The following CMTR1 variants were observed in gnomAD, a reference collection of about 807,000 sequenced individuals.
CMTR1 encodes cap-specific mRNA (nucleoside-2'-O-)-methyltransferase 1.
In CMTR1, 39 loss-of-function variants were observed where a neutral mutation model predicts 107.0. The ratio of observed to expected loss-of-function variants is 0.36; its 90% confidence interval spans 0.28 to 0.48. The LOEUF (loss-of-function observed/expected upper bound fraction) is 0.48, where lower values mean the gene tolerates loss of function less well. Among genes scored for constraint, CMTR1 ranks in the 20% least tolerant of loss-of-function variants. The pLI, the probability that CMTR1 is intolerant of heterozygous loss-of-function variation, is 0.99. For missense variants in CMTR1, 672 were observed against 1,064.9 expected, an observed-to-expected ratio of 0.63 and a Z score of 5.14; for synonymous variants, 366 against 379.5, an observed-to-expected ratio of 0.96 and a Z score of 0.41.
chr6:37,465,150 C>A (rs1005497749), intron 13 of CMTR1, among the ~76,000 whole-genome samples: 9 of 151,886 alleles, frequency 5.9e-5, no homozygotes, highest in Non-Finnish European at 1.3e-4. Flanking sequence ...TGTCTGTAAT[C>A]CCAGCTACTG....
chr6:37,457,602 A>G (rs1290149473), intron 8 of CMTR1, among the ~76,000 whole-genome samples: 1 of 152,244 alleles, frequency 6.6e-6, no homozygotes, highest in Non-Finnish European at 1.5e-5. Flanking sequence ...AGTTTTGCCA[A>G]ACATACCATG....
At chr6:37,474,385 ATC>A (rs1220041819) in intron 17 of CMTR1, 137 bp from the exon 18 acceptor site, 1 of 962,076 alleles carries the variant, frequency 1.0e-6, no homozygotes, top group African/African-American at 1.6e-5. Flanking sequence ...AATGGATTTA[ATC>A]TCTCATAGAC....
chr6:37,450,105 C>G, intron 4 of CMTR1, 146 bp from the exon 5 acceptor site: 1 of 614,318 alleles, frequency 1.6e-6, no homozygotes, highest in Non-Finnish European at 2.9e-6. Context: ...CGTCTCATGT[C>G]TGACCACTGC....
chr6:37,478,839 C>A (rs1346694038), intron 22 of CMTR1, among the ~76,000 whole-genome samples: 1 of 152,200 alleles, frequency 6.6e-6, no homozygotes, highest in Non-Finnish European at 1.5e-5. Context: ...GGTTTCTGTC[C>A]ATTTGCATCC....
the CMTR1 span, among the ~76,000 whole-genome samples, chr6:37,424,553 C>T: frequency 2.6e-5 from 4 of 151,956 alleles, no homozygotes; most frequent in Non-Finnish European, 5.9e-5. Context: ...GGCCTAGTAC[C>T]TTTGTCTTAA....
chr6:37,443,384 C>T (rs1771714635), intron 2 of CMTR1, among the ~76,000 whole-genome samples: 1 of 149,806 alleles, frequency 6.7e-6, no homozygotes, highest in Non-Finnish European at 1.5e-5. Context: ...GATGGAGTCT[C>T]ACTCTTTTTG....
chr6:37,478,582 T>G, intron 22 of CMTR1, 61 bp downstream of exon 22: 2 of 1,380,106 alleles, frequency 1.4e-6, no homozygotes, highest in Non-Finnish European at 2.1e-6. Flanking sequence ...CGCCAGGTGA[T>G]GGGTCCAGAC....
At chr6:37,450,432 T>C (rs1771925278) in intron 5 of CMTR1, 89 bp downstream of exon 5, 5 of 955,556 alleles carry the variant, frequency 5.2e-6, no homozygotes, top group Non-Finnish European at 8.4e-6. Context: ...CACTTGCAGT[T>C]TAAGAAAAAT....
intron 6 of CMTR1, among the ~76,000 whole-genome samples, 171 bp downstream of exon 6, chr6:37,452,048 G>A (rs1006988708): frequency 1.3e-5 from 2 of 152,178 alleles, no homozygotes. Flanking sequence ...CTGGGTGACT[G>A]TTCTGCCCTG....
At chr6:37,476,539 G>A (rs143744105) in intron 20 of CMTR1, among the ~76,000 whole-genome samples, 1 of 152,296 alleles carries the variant, frequency 6.6e-6, no homozygotes, top group East Asian at 1.9e-4. Flanking sequence ...GGTAAGAAAT[G>A]GGTGCTGAGG....
Position 37,461,625 on chromosome 6 carries a change from C to G in CMTR1, c.1172C>G (p.Ala391Gly). ...CTGCTTCTGTGTCAGTTCCTCATGGCGCTGTCCATTGTCCGGACAGGTGAC... is the reference window on the plus strand; with the variant it reads ...CTGCTTCTGTGTCAGTTCCTCATGGGGCTGTCCATTGTCCGGACAGGTGAC... The part of the protein sequence containing the change: ...KQLLLCQFLM[A>G]LSIVRTGGHF... The change falls in exon 11 of 24, where the codon GCG becomes GGG. Residue 391 changes from alanine to glycine, a missense_variant. By Grantham distance (60) the Ala-to-Gly change is moderately conservative. Around this residue, in one of 2 missense-constraint regions of CMTR1, gnomAD observed 583 missense variants for 968.4 expected, o/e 0.60. Transcript: ENST00000373451. The G allele has an allele frequency of 6.2e-7, 1 of 1,609,658 alleles. No individual in the cohort carries two copies. Among genetic ancestry groups the G allele is most frequent in the Non-Finnish European group, 8.5e-7 (1 of 1,177,200 alleles).
At chr6:37,445,484 CTTTTTTTTTTT>C (rs370310831) in intron 3 of CMTR1, among the ~76,000 whole-genome samples, 2 of 109,194 alleles carry the variant, frequency 1.8e-5, no homozygotes, top group Admixed American at 9.4e-5. Context: ...CATACCTCAC[CTTTTTTTTTTT>C]TTTTTTTTTT....
At chr6:37,473,944 C>G (rs1184435467) in intron 17 of CMTR1, among the ~76,000 whole-genome samples, 1 of 152,222 alleles carries the variant, frequency 6.6e-6, no homozygotes, top group Admixed American at 6.5e-5. Context: ...ACCACCACCC[C>G]ATGCCATCCC....
At chr6:37,439,332 T>G (rs1771614759) in intron 2 of CMTR1, among the ~76,000 whole-genome samples, 1 of 152,398 alleles carries the variant, frequency 6.6e-6, no homozygotes. Context: ...TCTCTTTGGT[T>G]GTTTTTCACG....
intron 23 of CMTR1, among the ~76,000 whole-genome samples, chr6:37,479,724 G>A (rs749498557): frequency 1.3e-5 from 2 of 152,208 alleles, no homozygotes; most frequent in Non-Finnish European, 2.9e-5. Flanking sequence ...GACATTTTCT[G>A]TCACCACACT....
rs181399765 is a variant in CMTR1, at chr6:37,451,088, T to C, written c.538-718T>C. ...TGGAAATGTTATTTTTCTGAAAATA[T>C]ATTTCTGAAAAATATTTATGTTAAC... On this transcript the variant is annotated intron_variant, in intron 5 of 23. Coordinates refer to ENST00000373451, the MANE Select transcript of CMTR1 (RefSeq NM_015050.3). Among the ~76,000 whole-genome samples, 15 of 152,294 alleles carry C rather than the reference T, an allele frequency of 9.8e-5. 1 individual carries two copies. Among genetic ancestry groups the C allele is most frequent in the Admixed American group, 9.8e-4 (15 of 15,302 alleles).
chr6:37,456,666 T>G (rs1342173014), intron 8 of CMTR1, among the ~76,000 whole-genome samples: 1 of 152,202 alleles, frequency 6.6e-6, no homozygotes, highest in African/African-American at 2.4e-5. Context: ...GAGGGAAGAC[T>G]GAGGTCCCTA....
Position 37,480,421 on chromosome 6 carries a change from T to C in CMTR1, c.*276T>C. On this transcript the variant is annotated 3_prime_UTR_variant, in exon 24 of 24. Coordinates refer to ENST00000373451, the MANE Select transcript of CMTR1 (RefSeq NM_015050.3). ...GCTCCTGAGGCAGGTATGAGGTCAGTGCCTAGGGCACGTGGGACTGATGGA... is the reference window on the plus strand; with the variant it reads ...GCTCCTGAGGCAGGTATGAGGTCAGCGCCTAGGGCACGTGGGACTGATGGA... 7.8e-7 allele frequency: 1 copy of C among 1,274,122 alleles called. No homozygotes were observed. The highest frequency in any genetic ancestry group is 9.9e-7 in the Non-Finnish European group (1 of 1,011,436). 78.9% of individuals were successfully genotyped at this position (1,274,122 alleles called of 1,614,324 possible).
Position 37,446,334 on chromosome 6 carries a change from G to A in CMTR1, c.329G>A (p.Ser110Asn). The change falls in exon 4 of 24, where the codon AGC (serine) becomes AAC (asparagine). Residue 110 changes from serine to asparagine, a missense_variant. Coordinates refer to ENST00000373451, the MANE Select transcript of CMTR1 (RefSeq NM_015050.3). ...GAAGGTGAAGGATTGGGTAAATACA[G>A]CCAGGGTCGGAAGGACATCGTTGAG... ...FREGEGLGKY[S>N]QGRKDIVEAS... 1 of 1,614,220 alleles carries A rather than the reference G, an allele frequency of 6.2e-7. No homozygotes were observed. Among genetic ancestry groups the A allele is most frequent in the Non-Finnish European group, 8.5e-7 (1 of 1,180,046 alleles).
Sources: gnomAD v4.1 joint callset for allele counts (sites outside exome capture counted in the v4.1 genomes callset) on GRCh38, gnomAD v4.1.1 for gene constraint, gnomAD v4.1.1 regional missense constraint, MANE v1.5 for transcripts, NCBI Gene and HGNC (gene_info 2026-07-23, HGNC 2026-07-21) for gene names.